CFTR: variants seen among roughly 807,000 people sequenced by gnomAD.
CFTR encodes CF transmembrane conductance regulator.
A neutral mutation model predicts 171.6 loss-of-function variants in CFTR; 181 were observed. That is an observed-to-expected ratio of 1.05 (90% CI 0.93 to 1.19). CFTR has a LOEUF of 1.19. Ranked by LOEUF, CFTR falls within the 50% of genes most tolerant of loss-of-function variation. The pLI is 0.00. For synonymous variants in CFTR, 583 were observed against 608.0 expected, an observed-to-expected ratio of 0.96 and a Z score of 0.60; for missense variants, 1,968 against 1,734.7, an observed-to-expected ratio of 1.13 and a Z score of -2.39.
intron 10 of CFTR, 117 bp from the exon 11 acceptor site, chr7:117,559,347 A>T (rs1468915431): frequency 2.6e-6 from 2 of 755,404 alleles, no homozygotes; most frequent in Non-Finnish European, 4.7e-6. Flanking sequence ...GAATCAAATG[A>T]GTTAATAGAA....
Position 117,664,777 on chromosome 7 carries a change from G to A in CFTR, c.4053G>A (p.Lys1351=), listed in dbSNP as rs763602969. ...DGGCVLSHGH[K]QLMCLARSVL... is the part of the protein sequence containing the mutation. ...GCTGTGTCCTAAGCCATGGCCACAA[G>A]CAGTTGATGTGCTTGGCTAGATCTG... Residue 1351 remains lysine, a synonymous_variant, in exon 25 of 27, where the codon AAG becomes AAA. Coordinates refer to ENST00000003084, the MANE Select transcript of CFTR (RefSeq NM_000492.4). 1.1e-5 allele frequency: 18 copies of A among 1,613,944 alleles called. No homozygotes were observed. Among genetic ancestry groups the A allele is most frequent in the African/African-American group, 2.7e-5 (2 of 74,918 alleles).
At chr7:117,558,554 T>C (rs1221807888) in intron 10 of CFTR, among the ~76,000 whole-genome samples, 1 of 62,228 alleles carries the variant, frequency 1.6e-5, no homozygotes, top group Non-Finnish European at 2.5e-5. Flanking sequence ...ACTCTGTCTC[T>C]AAATAAATAA....
At chr7:117,611,356 T>C (rs914038827) in intron 19 of CFTR, among the ~76,000 whole-genome samples, 1 of 152,128 alleles carries the variant, frequency 6.6e-6, no homozygotes, top group Non-Finnish European at 1.5e-5. Flanking sequence ...TGGTAATTTT[T>C]TAAGTTCCCA....
At chr7:117,542,382 A>G (rs971784271) in intron 9 of CFTR, among the ~76,000 whole-genome samples, 1 of 152,064 alleles carries the variant, frequency 6.6e-6, no homozygotes, top group Non-Finnish European at 1.5e-5. Context: ...CCCGGTCTCT[A>G]CTAAAAATAC....
rs149395096 is a variant in CFTR at position 117,504,442 on chromosome 7, A to G, written c.164+79A>G. ...TTAGAGAAGAGAAAGCAAACATATT[A>G]TAAGTTTAATTCTTATATTTAAAAA... On this transcript the variant is annotated intron_variant, in intron 2 of 26. Coordinates refer to ENST00000003084, the MANE Select transcript of CFTR (RefSeq NM_000492.4). The G allele has an allele frequency of 8.2e-5, 66 of 802,884 alleles. No individual in the cohort carries two copies. The African/African-American group carries it at 1.0e-3, about 12-fold the overall frequency. 49.7% of individuals were successfully genotyped at this position (802,884 alleles called of 1,614,324 possible). A position where few individuals can be genotyped will look rare whatever the true frequency, so the allele number is the denominator to read the frequency against.
intron 24 of CFTR, among the ~76,000 whole-genome samples, chr7:117,657,183 G>A (rs537560114): frequency 6.6e-6 from 1 of 152,220 alleles, no homozygotes; most frequent in African/African-American, 2.4e-5. Flanking sequence ...AAATTTACAG[G>A]AAAGCAGGAT....
intron 11 of CFTR, among the ~76,000 whole-genome samples, chr7:117,577,175 G>A (rs1322610143): frequency 6.6e-6 from 1 of 152,134 alleles, no homozygotes; most frequent in Non-Finnish European, 1.5e-5. Context: ...ACAAAGTGAT[G>A]GAAGTCATGG....
At chr7:117,539,467 T>C (rs1203890201) in intron 7 of CFTR, among the ~76,000 whole-genome samples, 1 of 151,742 alleles carries the variant, frequency 6.6e-6, no homozygotes, top group African/African-American at 2.4e-5. Context: ...CTACTGAGAC[T>C]CATTCAGTCA....
At chr7:117,665,205 G>A (rs1689860548) in intron 25 of CFTR, among the ~76,000 whole-genome samples, 1 of 152,170 alleles carries the variant, frequency 6.6e-6, no homozygotes, top group African/African-American at 2.4e-5. Context: ...AAGTACTGGT[G>A]ATTCTACATA....
chr7:117,599,708 A>G (rs1215858331), intron 15 of CFTR, among the ~76,000 whole-genome samples: 3 of 152,166 alleles, frequency 2.0e-5, no homozygotes, highest in Non-Finnish European at 4.4e-5. Flanking sequence ...TAATTTTTTA[A>G]AAGTATGTGC....
intron 1 of CFTR, among the ~76,000 whole-genome samples, chr7:117,502,123 C>T (rs1798342182): frequency 6.6e-6 from 1 of 152,242 alleles, no homozygotes; most frequent in African/African-American, 2.4e-5. Context: ...AACACCACTA[C>T]ATGCAGTCTG....
chr7:117,600,941 T>C (rs1471897729), intron 15 of CFTR, among the ~76,000 whole-genome samples: 1 of 152,098 alleles, frequency 6.6e-6, no homozygotes, highest in Non-Finnish European at 1.5e-5. Flanking sequence ...TTCTACTCAA[T>C]AGAAGCAGTT....
rs4727855 is a variant in CFTR, at chr7:117,665,320, G to A, written c.4137-139G>A. On this transcript the variant is annotated intron_variant, in intron 25 of 26. Transcript: ENST00000003084. ...GGTTGAAAAGCTGATTGTGGCTAAC[G>A]CTATATCAACATTATGTGAAAAGAA... The A allele has an allele frequency of 0.23, 145,694 of 634,536 alleles. 18,376 individuals are homozygous for A. The highest frequency in any genetic ancestry group is 0.27 in the South Asian group (13,282 of 49,370). 39.3% of individuals were successfully genotyped at this position (634,536 alleles called of 1,614,324 possible).
chr7:117,596,975 C>A (rs1792140007), intron 15 of CFTR, among the ~76,000 whole-genome samples: 1 of 152,142 alleles, frequency 6.6e-6, no homozygotes, highest in African/African-American at 2.4e-5. Context: ...TCAAAACGGA[C>A]CAATCAGCTC....
chr7:117,535,212 A>G (rs1421683161), intron 5 of CFTR, 36 bp from the exon 6 acceptor site: 2 of 1,611,734 alleles, frequency 1.2e-6, no homozygotes, highest in East Asian at 4.5e-5. Context: ...TGGAAGATAC[A>G]ATGACACCTG....
chr7:117,660,314 G>T (rs1423833028), intron 24 of CFTR, among the ~76,000 whole-genome samples: 1 of 152,018 alleles, frequency 6.6e-6, no homozygotes, highest in Non-Finnish European at 1.5e-5. Flanking sequence ...ATTGAAAAAT[G>T]GTTTCTAATG....
At chr7:117,586,328 T>C (rs977269551) in intron 11 of CFTR, 1 of 152,146 alleles carries the variant, frequency 6.6e-6, no homozygotes, top group African/African-American at 2.4e-5. Flanking sequence ...GACCTCTCTA[T>C]ATTTTACTTC....
rs746961486 is a variant in CFTR at position 117,592,642 on chromosome 7, C to T, written c.2475C>T (p.Asn825=). ...ETGLEISEEI[N]EEDLKECFFD... ...GCTTGGAAATAAGTGAAGAAATTAACGAAGAAGACTTAAAGGTAGGTATAC... is the reference window on the plus strand; with the variant it reads ...GCTTGGAAATAAGTGAAGAAATTAATGAAGAAGACTTAAAGGTAGGTATAC... Residue 825 remains asparagine, a synonymous_variant, in exon 14 of 27, where the codon AAC becomes AAT. Transcript: ENST00000003084. The T allele has an allele frequency of 3.0e-5, 46 of 1,539,798 alleles. No homozygotes were observed. Among genetic ancestry groups the T allele is most frequent in the South Asian group, 1.3e-5 (1 of 74,728 alleles).
rs187207021 is a variant in CFTR at position 117,537,605 on chromosome 7, A to G, written c.869+932A>G. ...ATTCAGGCTGCTGAGTCCAGTGTAC[A>G]ATGGAAACTGAGCTGCAGGTGTGTG... On this transcript the variant is annotated intron_variant, in intron 7 of 26. Transcript: ENST00000003084. 2.6e-3 allele frequency among the ~76,000 whole-genome samples: 399 copies of G among 152,316 alleles called. 2 individuals carry two copies. The highest frequency in any genetic ancestry group is 9.1e-3 in the African/African-American group (378 of 41,562).
Sources: gnomAD v4.1 joint callset for allele counts (sites outside exome capture counted in the v4.1 genomes callset) on GRCh38, gnomAD v4.1.1 for gene constraint, MANE v1.5 for transcripts, NCBI Gene and HGNC (gene_info 2026-07-23, HGNC 2026-07-21) for gene names.